The following ITGB4 variants were observed in gnomAD, a reference collection of about 807,000 sequenced individuals.
The protein encoded by ITGB4 is integrin beta-4.
Under a neutral mutation model 207.6 loss-of-function variants are expected in ITGB4, and 159 were observed. That is an observed-to-expected ratio of 0.77 (90% CI 0.67 to 0.87). ITGB4 has a LOEUF of 0.87. Ranked by LOEUF, ITGB4 falls within the 40% of genes least tolerant of loss-of-function variation. ITGB4 has a pLI of 0.00. For synonymous variants in ITGB4, 1,020 were observed against 1,062.7 expected (o/e 0.96, Z 0.78); for missense variants, 2,278 against 2,546.8 (o/e 0.89, Z 2.27).
intron 13 of ITGB4, among the ~76,000 whole-genome samples, chr17:75,735,396 ATTTCTTTTTTCT>A (rs1290265016): frequency 2.3e-5 from 3 of 132,438 alleles, no homozygotes; most frequent in Non-Finnish European, 4.8e-5. Flanking sequence ...TGACAGTTTT[ATTTCTTTTTTCT>A]TTTCTTTTTT....
At position 75,727,218 on chromosome 17, in the gene ITGB4, G is replaced by C. The variant is rs759223935; in HGVS notation, c.103G>C (p.Val35Leu). 6.2e-7 allele frequency: 1 copy of C among 1,614,104 alleles called. No individual in the cohort carries two copies. The highest frequency in any genetic ancestry group is 1.1e-5 in the South Asian group (1 of 91,040). Residue 35 changes from valine to leucine, a missense_variant, in exon 3 of 40, where the codon GTG becomes CTG. Coordinates refer to ENST00000200181, the MANE Select transcript of ITGB4 (RefSeq NM_000213.5). The surrounding 1 kb of genome is among the most constrained non-coding windows in gnomAD (Gnocchi z 6.0). ...TLANRCKKAP[V>L]KSCTECVRVD... ...AGCAAACCGCTGCAAGAAGGCCCCA[G>C]TGAAGAGCTGCACGGAGTGTGTCCG... is the stretch of plus-strand genomic sequence containing the variant.
chr17:75,731,420 C>G lies in ITGB4; in HGVS notation c.1215+52C>G, dbSNP rs374518183. 7.1e-5 allele frequency: 111 copies of G among 1,557,758 alleles called. 1 individual carries two copies. In the African/African-American group the frequency reaches 1.4e-3, roughly 20 times the overall value. On this transcript the variant is annotated intron_variant, in intron 10 of 39. Transcript: ENST00000200181. This position sits in a 1 kb window ranked among gnomAD's most constrained non-coding sequence, Gnocchi z 6.8. ...GGGGGATAGGCACAGCGCCCCACAC[C>G]GAGTGGAATCGTTTAAAACAGCGGT...
chr17:75,731,447 A>G lies in ITGB4; in HGVS notation c.1215+79A>G. 1.4e-6 allele frequency: 2 copies of G among 1,441,570 alleles called. No homozygotes were observed. The highest frequency in any genetic ancestry group is 1.2e-5 in the South Asian group (1 of 81,380). 89.3% of individuals were successfully genotyped at this position (1,441,570 alleles called of 1,614,324 possible). ...AGTGGAATCGTTTAAAACAGCGGTC[A>G]AGAGCGTGGCCCCTGGAGTCAGGCA... On this transcript the variant is annotated intron_variant, in intron 10 of 39. Coordinates refer to ENST00000200181, the MANE Select transcript of ITGB4 (RefSeq NM_000213.5). The surrounding 1 kb of genome is among the most constrained non-coding windows in gnomAD (Gnocchi z 6.8).
At position 75,750,569 on chromosome 17, in the gene ITGB4, C is replaced by G. The variant is rs2061344499; in HGVS notation, c.3475-111C>G. The G allele has an allele frequency of 1.0e-6, 1 of 1,002,538 alleles. No individual in the cohort carries two copies. Among genetic ancestry groups the G allele is most frequent in the Non-Finnish European group, 1.5e-6 (1 of 655,494 alleles). 62.1% of individuals were successfully genotyped at this position (1,002,538 alleles called of 1,614,324 possible). ...ACATGGCAGATCTCTCAGCCCCTCCCTCGGGCCTCATCTGTGCAAAGAGGA... is the reference window on the plus strand; with the variant it reads ...ACATGGCAGATCTCTCAGCCCCTCCGTCGGGCCTCATCTGTGCAAAGAGGA... On this transcript the variant is annotated intron_variant, in intron 28 of 39. Transcript: ENST00000200181. This position sits in a 1 kb window ranked among gnomAD's most constrained non-coding sequence, Gnocchi z 5.5.
At position 75,757,525 on chromosome 17, in the gene ITGB4, C is replaced by A. The variant is rs2061548493; in HGVS notation, c.5439C>A (p.Thr1813=). The change falls in exon 40 of 40, where the codon ACC becomes ACA. Residue 1813 remains threonine, a synonymous_variant. Coordinates refer to ENST00000200181, the MANE Select transcript of ITGB4 (RefSeq NM_000213.5). Reference sequence around the variant, plus strand: ...TGACCACCAGCGGAACCCTTAGCACCCACATGGACCAACAGTTCTTCCAAA... The same window carrying A: ...TGACCACCAGCGGAACCCTTAGCACACACATGGACCAACAGTTCTTCCAAA... ...RTLTTSGTLS[T]HMDQQFFQT The A allele has an allele frequency of 4.3e-6, 7 of 1,613,336 alleles. No homozygotes were observed. The highest frequency in any genetic ancestry group is 5.9e-6 in the Non-Finnish European group (7 of 1,180,006).
Position 75,729,431 on chromosome 17 carries a change from T to G in ITGB4, c.733T>G (p.Cys245Gly). 6.2e-7 allele frequency: 1 copy of G among 1,613,976 alleles called. No homozygotes were observed. The highest frequency in any genetic ancestry group is 1.3e-5 in the African/African-American group (1 of 75,066). Reference sequence around the variant, plus strand: ...CGATGCCATCCTGCAGACAGCTGTGTGCACGGTGGGCACTGGGAAGGGTGC... The same window carrying G: ...CGATGCCATCCTGCAGACAGCTGTGGGCACGGTGGGCACTGGGAAGGGTGC... The part of the protein sequence containing the change: ...GFDAILQTAV[C>G]TRDIGWRPDS... Residue 245 changes from cysteine (C) to glycine (G), a missense_variant, in exon 7 of 40, where the codon TGC becomes GGC. Physicochemically the swap from Cys to Gly is radical, Grantham distance 159 (BLOSUM62 -3). Transcript: ENST00000200181. The surrounding 1 kb of genome is among the most constrained non-coding windows in gnomAD (Gnocchi z 4.4).
chr17:75,754,862 CT>C (rs2061452701), intron 34 of ITGB4, 47 bp downstream of exon 34: 1 of 1,612,860 alleles, frequency 6.2e-7, no homozygotes. Context: ...CCCTTCCTCT[CT>C]TCCAGCTCCT....
chr17:75,753,281 G>A (rs1249425580), intron 32 of ITGB4, among the ~76,000 whole-genome samples: 1 of 152,178 alleles, frequency 6.6e-6, no homozygotes, highest in Non-Finnish European at 1.5e-5. Context: ...CATTTTGAGG[G>A]GTTCAGGTGG....
intron 2 of ITGB4, among the ~76,000 whole-genome samples, chr17:75,726,380 C>T (rs963455801): frequency 3.9e-5 from 6 of 152,134 alleles, no homozygotes; most frequent in African/African-American, 1.4e-4. Flanking sequence ...GAGCTGTGAT[C>T]ATGCCACTGC....
Position 75,751,082 on chromosome 17 carries a change from T to C in ITGB4, c.3764T>C (p.Val1255Ala). 1 of 1,613,744 alleles carries C rather than the reference T, an allele frequency of 6.2e-7. No individual in the cohort carries two copies. Among genetic ancestry groups the C allele is most frequent in the Admixed American group, 1.7e-5 (1 of 60,008 alleles). Residue 1255 changes from valine to alanine, a missense_variant, in exon 30 of 40, where the codon GTC (valine) becomes GCC (alanine). Coordinates refer to ENST00000200181, the MANE Select transcript of ITGB4 (RefSeq NM_000213.5). ...ETNGEITAYE[V>A]CYGLVNDDNR... ...AACGGTGAGATCACAGCCTACGAGG[T>C]CTGCTATGGCCTGGTCAACGATGAC...
intron 35 of ITGB4, 78 bp from the exon 36 acceptor site, chr17:75,756,351 C>A: frequency 6.5e-7 from 1 of 1,530,504 alleles, no homozygotes; most frequent in African/African-American, 1.4e-5. Flanking sequence ...GTCTCGATGG[C>A]AGCTTAGGGA....
chr17:75,743,983 G>C, intron 26 of ITGB4, 122 bp downstream of exon 26: 1 of 1,164,044 alleles, frequency 8.6e-7, no homozygotes. Context: ...CCGTGCCCCT[G>C]GCTGGCCTCC....
chr17:75,747,984 C>A (rs532711994), intron 26 of ITGB4, among the ~76,000 whole-genome samples: 1 of 152,244 alleles, frequency 6.6e-6, no homozygotes, highest in East Asian at 1.9e-4. Flanking sequence ...TGAAATCTTG[C>A]CCTGAAGTGC....
chr17:75,754,288 AG>A (rs1376360601), intron 33 of ITGB4, among the ~76,000 whole-genome samples: 2 of 152,148 alleles, frequency 1.3e-5, no homozygotes, highest in African/African-American at 4.8e-5. Flanking sequence ...GGATCTCCCC[AG>A]GGCAGAGCTG....
chr17:75,729,198 C>T lies in ITGB4; in HGVS notation c.567-67C>T. ...AAATTCTCCTTCTAGTTGAAACGAGCCAGGGGCACTGGGGTCTGCGGCGTC... is the reference window on the plus strand; with the variant it reads ...AAATTCTCCTTCTAGTTGAAACGAGTCAGGGGCACTGGGGTCTGCGGCGTC... On this transcript the variant is annotated intron_variant, in intron 6 of 39. Coordinates refer to ENST00000200181, the MANE Select transcript of ITGB4 (RefSeq NM_000213.5). This position sits in a 1 kb window ranked among gnomAD's most constrained non-coding sequence, Gnocchi z 4.4. 2 of 1,475,776 alleles carry T rather than the reference C, an allele frequency of 1.4e-6. No individual in the cohort carries two copies. The highest frequency in any genetic ancestry group is 1.9e-6 in the Non-Finnish European group (2 of 1,073,692). 91.4% of individuals were successfully genotyped at this position (1,475,776 alleles called of 1,614,324 possible).
chr17:75,739,255 A>G lies in ITGB4; in HGVS notation c.2221-417A>G, dbSNP rs9890231. On this transcript the variant is annotated intron_variant, in intron 18 of 39. Transcript: ENST00000200181. This position sits in a 1 kb window ranked among gnomAD's most constrained non-coding sequence, Gnocchi z 5.4. ...GGTTGCAGTGAGCCGCGATCGTGCC[A>G]CTGCATTCCAGCCTGGGCAACAGAG... Among the ~76,000 whole-genome samples, 26,148 of 151,148 alleles carry G rather than the reference A, an allele frequency of 0.17. 4,057 individuals are homozygous for G. Among genetic ancestry groups the G allele is most frequent in the African/African-American group, 0.39 (16,165 of 40,974 alleles).
chr17:75,740,296 G>A lies in ITGB4; in HGVS notation c.2447-62G>A. ...CATGGTTGCTGGAGGGATGCTCTGTGGTGCCTGTCATGCAGGGGGCTGACC... is the reference window on the plus strand; with the variant it reads ...CATGGTTGCTGGAGGGATGCTCTGTAGTGCCTGTCATGCAGGGGGCTGACC... On this transcript the variant is annotated intron_variant, in intron 20 of 39. Transcript: ENST00000200181. The surrounding 1 kb of genome is among the most constrained non-coding windows in gnomAD (Gnocchi z 5.9). The A allele has an allele frequency of 6.2e-6, 9 of 1,444,290 alleles. No individual in the cohort carries two copies. In the South Asian group the frequency reaches 8.3e-5, roughly 13 times the overall value. 89.5% of individuals were successfully genotyped at this position (1,444,290 alleles called of 1,614,324 possible).
chr17:75,747,933 G>T (rs1008449196), intron 26 of ITGB4, among the ~76,000 whole-genome samples: 31 of 152,284 alleles, frequency 2.0e-4, no homozygotes, highest in African/African-American at 5.8e-4. Flanking sequence ...GTGGCATGAG[G>T]TTGCCTCCCC....
rs761607224 is a variant in ITGB4 at position 75,754,821 on chromosome 17, T to A, written c.4558+6T>A. On this transcript the variant is annotated splice_donor_region_variant and intron_variant, in intron 34 of 39. Transcript: ENST00000200181. Reference sequence around the variant, plus strand: ...CACCTCCGTCTCCTCCCACGGTGAGTGACCTCAGCCAACCCTGCCTCTCCC... The same window carrying A: ...CACCTCCGTCTCCTCCCACGGTGAGAGACCTCAGCCAACCCTGCCTCTCCC... The A allele has an allele frequency of 3.7e-6, 6 of 1,613,844 alleles. No homozygotes were observed. The highest frequency in any genetic ancestry group is 4.2e-6 in the Non-Finnish European group (5 of 1,179,914).
Sources: gnomAD v4.1 joint callset for allele counts (sites outside exome capture counted in the v4.1 genomes callset) on GRCh38, gnomAD v4.1.1 for gene constraint, Gnocchi (gnomAD v3.1) non-coding constraint, MANE v1.5 for transcripts, NCBI Gene and HGNC (gene_info 2026-07-23, HGNC 2026-07-21) for gene names.